DLGAP2: variants seen among roughly 807,000 people sequenced by gnomAD.
DLGAP2 encodes the protein DLG associated protein 2, also known as disks large-associated protein 2.
In DLGAP2, 26 loss-of-function variants were observed where a neutral mutation model predicts 100.3. The observed-to-expected ratio is 0.26, with a 90% CI of 0.19 to 0.36. The LOEUF is 0.36. Ranked by LOEUF, DLGAP2 falls within the 10% of genes least tolerant of loss-of-function variation. The probability of loss-of-function intolerance (pLI) is 1.00; values close to 1 mark genes in which losing one functional copy is unlikely to be tolerated. For synonymous variants in DLGAP2, 886 were observed against 630.1 expected (o/e 1.41, Z -6.08); for missense variants, 1,858 against 1,453.2 (o/e 1.28, Z -4.53).
chr8:1,537,513 G>A (rs530196949), intron 4 of DLGAP2, among the ~76,000 whole-genome samples: 24 of 152,220 alleles, frequency 1.6e-4, no homozygotes, highest in Middle Eastern at 3.4e-3. Context: ...ACCTCTCTCT[G>A]TCTGCAGGAA....
chr8:1,568,459 A>G (rs1802507047), intron 6 of DLGAP2, among the ~76,000 whole-genome samples: 2 of 127,418 alleles, frequency 1.6e-5, no homozygotes, highest in Non-Finnish European at 3.2e-5. Context: ...CCCCCGTGCC[A>G]CTGTCCACTC....
At chr8:1,552,384 C>T (rs75065116) in intron 5 of DLGAP2, among the ~76,000 whole-genome samples, 3,638 of 152,332 alleles carry the variant, frequency 0.024, 150 homozygotes, top group African/African-American at 0.084. Context: ...GGTGACTTCT[C>T]TCCCCTCCTC....
chr8:1,241,499 G>A lies in DLGAP2; in HGVS notation c.74-17352G>A, dbSNP rs75301346. 4.2e-3 allele frequency among the ~76,000 whole-genome samples: 635 copies of A among 152,298 alleles called. 15 individuals carry two copies. The East Asian group carries it at 0.057, about 14-fold the overall frequency. ...CCTTGACGTTACTGCAGTTACTCTC[G>A]GAGGCCTATACGGGTAGTAGCCCTA... On this transcript the variant is annotated intron_variant, in intron 2 of 14. Transcript: ENST00000637795.
chr8:793,594 C>G (rs1013215456), intron 1 of DLGAP2, among the ~76,000 whole-genome samples: 3 of 152,196 alleles, frequency 2.0e-5, no homozygotes, highest in African/African-American at 7.2e-5. Context: ...TCCTTCTCCT[C>G]TGAAACTCCT....
rs572176691 is a variant in DLGAP2, at chr8:1,668,934, CT to C, written c.2160+257del. Among the ~76,000 whole-genome samples, 279 of 144,784 alleles carry C rather than the reference CT, an allele frequency of 1.9e-3. 3 individuals carry two copies. The highest frequency in any genetic ancestry group is 7.4e-3 in the African/African-American group (276 of 37,250). The allele number at this position is 144,784 out of a possible 152,430, so 95.0% of individuals were successfully genotyped here. A position where few individuals can be genotyped will look rare whatever the true frequency, so the allele number is the denominator to read the frequency against. ...CCCAGGGGTTCCAGCTCCCTGTCCCCTGCCACCCTGAAAATACACTCCGGGC... is the reference window on the plus strand; with the variant it reads ...CCCAGGGGTTCCAGCTCCCTGTCCCCGCCACCCTGAAAATACACTCCGGGC... On this transcript the variant is annotated intron_variant, in intron 9 of 14. Transcript: ENST00000637795.
intron 6 of DLGAP2, among the ~76,000 whole-genome samples, chr8:1,581,278 G>T (rs1326170988): frequency 7.0e-6 from 1 of 143,422 alleles, no homozygotes; most frequent in Non-Finnish European, 1.5e-5. Flanking sequence ...CAGAAGAGAA[G>T]GATACAGACA....
intron 3 of DLGAP2, among the ~76,000 whole-genome samples, chr8:1,420,590 T>G (rs1322068808): frequency 1.3e-5 from 2 of 152,360 alleles, no homozygotes; most frequent in East Asian, 3.9e-4. Flanking sequence ...TGATCTTCTA[T>G]GTTGAGCATC....
chr8:785,344 C>G lies in DLGAP2; in HGVS notation c.18+47519C>G, dbSNP rs181324022. Among the ~76,000 whole-genome samples the G allele has an allele frequency of 7.3e-5, 11 of 151,554 alleles. No homozygotes were observed. In the East Asian group the frequency reaches 1.8e-3, roughly 24 times the overall value. On this transcript the variant is annotated intron_variant, in intron 1 of 14. Coordinates refer to ENST00000637795, the MANE Select transcript of DLGAP2 (RefSeq NM_001346810.2). ...CATGTGGCTCAGGCTGAAAGCGGAG[C>G]TCTCATGAGGCAGGCCGGGCCCCTG...
chr8:1,670,694 A>G (rs1020273143), intron 10 of DLGAP2, among the ~76,000 whole-genome samples: 1 of 152,226 alleles, frequency 6.6e-6, no homozygotes, highest in African/African-American at 2.4e-5. Flanking sequence ...GTAAGAAAAA[A>G]AAACGCACAA....
chr8:1,052,170 C>G (rs576760589), intron 2 of DLGAP2, among the ~76,000 whole-genome samples: 1 of 152,260 alleles, frequency 6.6e-6, no homozygotes, highest in Admixed American at 6.5e-5. Flanking sequence ...GGCCTGGGCC[C>G]GGCCGCCCTT....
chr8:1,428,840 G>C (rs1243392594), intron 3 of DLGAP2, among the ~76,000 whole-genome samples: 7 of 152,190 alleles, frequency 4.6e-5, no homozygotes, highest in Non-Finnish European at 8.8e-5. Context: ...GGCATGCACG[G>C]TCTACATCCA....
chr8:1,480,488 G>A (rs1799060302), intron 3 of DLGAP2, among the ~76,000 whole-genome samples: 1 of 152,194 alleles, frequency 6.6e-6, no homozygotes, highest in Non-Finnish European at 1.5e-5. Flanking sequence ...CGCACGGCTG[G>A]CTGAGCCCTG....
At chr8:1,056,319 T>C (rs1409697337) in intron 2 of DLGAP2, among the ~76,000 whole-genome samples, 2 of 152,154 alleles carry the variant, frequency 1.3e-5, no homozygotes, top group Non-Finnish European at 2.9e-5. Flanking sequence ...CACATAACTG[T>C]TCCGTGCATG....
chr8:764,590 A>G (rs957788019), intron 1 of DLGAP2, among the ~76,000 whole-genome samples: 33 of 152,322 alleles, frequency 2.2e-4, no homozygotes, highest in African/African-American at 7.5e-4. Context: ...AGCTCTTCTC[A>G]GTTTTATTGT....
At chr8:1,584,165 A>G (rs1330310275) in intron 6 of DLGAP2, among the ~76,000 whole-genome samples, 2 of 152,194 alleles carry the variant, frequency 1.3e-5, no homozygotes, top group Non-Finnish European at 2.9e-5. Context: ...CACTGGATGA[A>G]TGGATAAAAC....
At chr8:999,902 T>C (rs1397880807) in intron 2 of DLGAP2, among the ~76,000 whole-genome samples, 1 of 151,556 alleles carries the variant, frequency 6.6e-6, no homozygotes, top group Non-Finnish European at 1.5e-5. Flanking sequence ...GGATTTTCTC[T>C]AGAGCAGACA....
intron 3 of DLGAP2, among the ~76,000 whole-genome samples, chr8:1,288,556 G>A (rs1274385276): frequency 2.0e-5 from 1 of 50,322 alleles, no homozygotes; most frequent in Non-Finnish European, 3.3e-5. Flanking sequence ...GTGTGTGTGT[G>A]TGTGGTTAGG....
rs188104508 is a variant in DLGAP2, at chr8:1,588,376, C to T, written c.1442+22482C>T. Among the ~76,000 whole-genome samples, 9 of 152,260 alleles carry T rather than the reference C, an allele frequency of 5.9e-5. No homozygotes were observed. The East Asian group carries it at 1.5e-3, about 26-fold the overall frequency. ...AGTGGAATCACACCATTAGTAGAAC[C>T]CGGTGCTAACCTTGAAGCAGCAGCG... is the stretch of plus-strand genomic sequence containing the variant. On this transcript the variant is annotated intron_variant, in intron 6 of 14. Transcript: ENST00000637795.
chr8:1,618,205 A>G (rs982845524), intron 6 of DLGAP2, among the ~76,000 whole-genome samples: 3 of 152,224 alleles, frequency 2.0e-5, no homozygotes, highest in Non-Finnish European at 4.4e-5. Context: ...ATGATTGTTT[A>G]CATAGAAAAC....
Sources: allele counts gnomAD v4.1 joint callset (sites outside exome capture counted in the v4.1 genomes callset), GRCh38; gene constraint gnomAD v4.1.1; transcripts MANE v1.5; gene names NCBI Gene and HGNC (gene_info 2026-07-23, HGNC 2026-07-21).